Variants in WDR45B observed in about 807,000 individuals in gnomAD.
The protein encoded by WDR45B is WD repeat domain 45B.
Under a neutral mutation model 44.6 loss-of-function variants are expected in WDR45B, and 20 were observed. The observed-to-expected ratio is 0.45, with a 90% confidence interval of 0.32 to 0.65. WDR45B has a LOEUF of 0.65. Among genes scored for constraint, WDR45B ranks in the 30% least tolerant of loss-of-function variants. The pLI is 0.05. For missense variants in WDR45B, 323 were observed against 430.2 expected, an observed-to-expected ratio of 0.75 and a Z score of 2.20; for synonymous variants, 169 against 164.9, an observed-to-expected ratio of 1.02 and a Z score of -0.19.
rs186692896 is a variant in WDR45B, at chr17:82,621,097, G to A, written c.618+512C>T. ...GAGACGGAGTCTCACTCTGTCACCC[G>A]GGCTGCAGTGTAGTGGCATGATCTC... On this transcript the variant is annotated intron_variant, in intron 6 of 9. Coordinates refer to ENST00000392325, the MANE Select transcript of WDR45B (RefSeq NM_019613.4). Among the ~76,000 whole-genome samples, 48 of 148,754 alleles carry A rather than the reference G, an allele frequency of 3.2e-4. No individual in the cohort carries two copies. The East Asian group carries it at 8.5e-3, about 26-fold the overall frequency.
chr17:82,633,923 T>G (rs1598272875), intron 2 of WDR45B, among the ~76,000 whole-genome samples: 1 of 150,420 alleles, frequency 6.6e-6, no homozygotes, highest in Non-Finnish European at 1.5e-5. Context: ...GCAAGGCAGG[T>G]GGATCACTTG....
intron 4 of WDR45B, 118 bp downstream of exon 4, chr17:82,627,086 G>T: frequency 1.2e-6 from 1 of 866,186 alleles, no homozygotes; most frequent in Non-Finnish European, 2.0e-6. Context: ...TAAAAACCAG[G>T]ACCAACATTT....
intron 9 of WDR45B, 133 bp downstream of exon 9, chr17:82,616,382 CACAGGAGAA>C: frequency 7.4e-7 from 1 of 1,351,354 alleles, no homozygotes; most frequent in Non-Finnish European, 1.1e-6. Flanking sequence ...ACACTGAGCC[CACAGGAGAA>C]ATAAGGGGAA....
At chr17:82,631,222 G>A (rs1449447641) in intron 2 of WDR45B, among the ~76,000 whole-genome samples, 200 bp from the exon 3 acceptor site, 1 of 151,486 alleles carries the variant, frequency 6.6e-6, no homozygotes. Context: ...TTGAACTCCT[G>A]GGCTCACATG....
At chr17:82,632,670 A>C (rs1005884699) in intron 2 of WDR45B, among the ~76,000 whole-genome samples, 24 of 152,100 alleles carry the variant, frequency 1.6e-4, no homozygotes, top group African/African-American at 5.1e-4. Flanking sequence ...CATGAGCTCT[A>C]TCTCTCCAGT....
intron 7 of WDR45B, 29 bp from the exon 8 acceptor site, chr17:82,617,426 C>G (rs2045551985): frequency 6.2e-7 from 1 of 1,609,952 alleles, no homozygotes; most frequent in Admixed American, 1.7e-5. Context: ...CAGCTCAGGC[C>G]TTGTGTGGAT....
intron 8 of WDR45B, 48 bp from the exon 9 acceptor site, chr17:82,616,693 A>T: frequency 6.2e-7 from 1 of 1,613,246 alleles, no homozygotes; most frequent in Non-Finnish European, 8.5e-7. Context: ...ACAGGAAAAA[A>T]AATCACCTGC....
At chr17:82,644,625 C>T (rs1019406396) in intron 1 of WDR45B, 3 of 169,488 alleles carry the variant, frequency 1.8e-5, no homozygotes, top group African/African-American at 7.2e-5. Flanking sequence ...AAATAAACAG[C>T]ACTGTTAGAA....
chr17:82,626,140 CA>C (rs1246612783), intron 4 of WDR45B, among the ~76,000 whole-genome samples: 2 of 151,900 alleles, frequency 1.3e-5, no homozygotes, highest in East Asian at 3.9e-4. Flanking sequence ...CTCAGCCTCC[CA>C]AAGTGCTGGG....
intron 5 of WDR45B, among the ~76,000 whole-genome samples, chr17:82,622,739 AAAGT>A (rs2045635977): frequency 6.8e-6 from 1 of 148,070 alleles, no homozygotes; most frequent in South Asian, 2.1e-4. Context: ...TTTTTTTTGT[AAAGT>A]AAGAAGATTG....
chr17:82,622,527 G>A (rs2045632786), intron 5 of WDR45B, among the ~76,000 whole-genome samples: 1 of 152,146 alleles, frequency 6.6e-6, no homozygotes, highest in South Asian at 2.1e-4. Context: ...CCGCCTCCCA[G>A]GTTCACGCCG....
chr17:82,635,210 T>C (rs2045817455), intron 2 of WDR45B, among the ~76,000 whole-genome samples: 1 of 151,932 alleles, frequency 6.6e-6, no homozygotes, highest in South Asian at 2.1e-4. Flanking sequence ...GAAGACCTTC[T>C]TTGCCCCAGG....
chr17:82,624,544 G>A (rs1248770686), intron 5 of WDR45B, among the ~76,000 whole-genome samples: 2 of 152,074 alleles, frequency 1.3e-5, no homozygotes, highest in East Asian at 3.9e-4. Flanking sequence ...ACAGGCGTGA[G>A]CCACTGCGCC....
chr17:82,640,745 G>A (rs946359201), intron 2 of WDR45B, among the ~76,000 whole-genome samples: 2 of 152,110 alleles, frequency 1.3e-5, no homozygotes, highest in African/African-American at 4.8e-5. Flanking sequence ...TGGCCCTACT[G>A]TATCCATTTC....
chr17:82,645,657 C>T (rs2045966362), intron 1 of WDR45B, among the ~76,000 whole-genome samples: 1 of 152,044 alleles, frequency 6.6e-6, no homozygotes. Flanking sequence ...GAAGTACATG[C>T]CTGTGGAAAT....
In WDR45B at chr17:82,619,079, TC is replaced by T; in HGVS notation, c.667del (p.Glu223AsnfsTer115). The T allele has an allele frequency of 6.2e-7, 1 of 1,614,204 alleles. No homozygotes were observed. Among genetic ancestry groups the T allele is most frequent in the Non-Finnish European group, 8.5e-7 (1 of 1,180,040 alleles). On this transcript the variant is annotated frameshift_variant, in exon 7 of 10. Coordinates refer to ENST00000392325, the MANE Select transcript of WDR45B (RefSeq NM_019613.4). LOFTEE classifies it high-confidence loss of function. ...FDTSSGHLIQ[E>X]LRRGSQAANI... ...GGCTGCTTGAGATCCTCTTCGCAGT[TC>T]CTGGATTAAATGCCCTGATGAAGTA... is the stretch of plus-strand genomic sequence containing the variant.
chr17:82,627,414 A>C, intron 3 of WDR45B, 123 bp from the exon 4 acceptor site: 2 of 821,802 alleles, frequency 2.4e-6, no homozygotes, highest in South Asian at 2.8e-5. Flanking sequence ...GCCCACCCTC[A>C]GGCCTCAGAC....
Position 82,627,406 on chromosome 17 carries a change from C to T in WDR45B, c.245-115G>A, listed in dbSNP as rs570486148. The T allele has an allele frequency of 6.0e-5, 52 of 866,736 alleles. No homozygotes were observed. The East Asian group carries it at 7.0e-4, about 12-fold the overall frequency. The allele number at this position is 866,736 out of a possible 1,614,324, so 53.7% of individuals were successfully genotyped here. On this transcript the variant is annotated intron_variant, in intron 3 of 9. Transcript: ENST00000392325. ...TCTCTTCCCACTGGCACAGCTGCGC[C>T]CACCCTCAGGCCTCAGACACACACC...
At chr17:82,644,137 A>G (rs1010538149) in intron 1 of WDR45B, 114 bp from the exon 2 acceptor site, 71 of 929,130 alleles carry the variant, frequency 7.6e-5, no homozygotes, top group Non-Finnish European at 5.2e-6. Flanking sequence ...AACCACACAG[A>G]CACGATAGGT....
Sources: gnomAD v4.1 joint callset for allele counts (sites outside exome capture counted in the v4.1 genomes callset) on GRCh38, gnomAD v4.1.1 for gene constraint, MANE v1.5 for transcripts, NCBI Gene and HGNC (gene_info 2026-07-23, HGNC 2026-07-21) for gene names.